Variants in SLC18A1 observed in about 807,000 individuals in gnomAD.
The protein encoded by SLC18A1 is solute carrier family 18 member A1, also known as chromaffin granule amine transporter.
A neutral mutation model predicts 53.7 loss-of-function variants in SLC18A1; 69 were observed. That is an observed-to-expected ratio of 1.28 (90% CI 1.06 to 1.57). The LOEUF is 1.57. Ranked by LOEUF, SLC18A1 falls within the 40% of genes most tolerant of loss-of-function variation. SLC18A1 has a pLI of 0.00. For synonymous variants in SLC18A1, 320 were observed against 248.1 expected (o/e 1.29, Z -2.72); for missense variants, 932 against 668.1 (o/e 1.40, Z -4.35).
Position 20,145,893 on chromosome 8 carries a change from G to A in SLC18A1, c.1465-17C>T, listed in dbSNP as rs765258635. 6.8e-7 allele frequency: 1 copy of A among 1,462,762 alleles called. No homozygotes were observed. The highest frequency in any genetic ancestry group is 1.2e-5 in the South Asian group (1 of 81,790). The allele number at this position is 1,462,762 out of a possible 1,614,324, so 90.6% of individuals were successfully genotyped here. A position where few individuals can be genotyped will look rare whatever the true frequency, so the allele number is the denominator to read the frequency against. Reference sequence around the variant, plus strand: ...CAGAATAGCCTGCAGAGAGAGGCAAGAAGAGAAGCCACTGCACATTATTAT... The same window carrying A: ...CAGAATAGCCTGCAGAGAGAGGCAAAAAGAGAAGCCACTGCACATTATTAT... On this transcript the variant is annotated splice_polypyrimidine_tract_variant and intron_variant, in intron 15 of 15. Transcript: ENST00000276373.
chr8:20,163,393 G>A (rs572312424), intron 10 of SLC18A1, among the ~76,000 whole-genome samples: 1 of 152,244 alleles, frequency 6.6e-6, no homozygotes, highest in Non-Finnish European at 1.5e-5. Context: ...GGTCAAAGAG[G>A]TTAAATAACT....
chr8:20,144,983 G>A lies in SLC18A1; in HGVS notation c.*780C>T, dbSNP rs887517494. The A allele has an allele frequency of 1.3e-5, 2 of 152,004 alleles. No homozygotes were observed. The highest frequency in any genetic ancestry group is 2.4e-5 in the African/African-American group (1 of 41,384). The allele number at this position is 152,004 out of a possible 1,614,324, so 9.4% of individuals were successfully genotyped here. A position where few individuals can be genotyped will look rare whatever the true frequency, so the allele number is the denominator to read the frequency against. ...TTAACTTCTTCCCATGAAATCTTGG[G>A]TCTAATCAGTTATTTTTTCTGTCTT... On this transcript the variant is annotated 3_prime_UTR_variant, in exon 16 of 16. Coordinates refer to ENST00000276373, the MANE Select transcript of SLC18A1 (RefSeq NM_003053.4).
chr8:20,153,486 G>C (rs577021088), intron 10 of SLC18A1, among the ~76,000 whole-genome samples: 3 of 152,236 alleles, frequency 2.0e-5, no homozygotes, highest in Admixed American at 2.0e-4. Context: ...GACCATCCTA[G>C]CTAACACAGT....
At position 20,149,956 on chromosome 8, in the gene SLC18A1, C is replaced by T. The variant is rs560049128; in HGVS notation, c.1095-229G>A. On this transcript the variant is annotated intron_variant, in intron 11 of 15. Transcript: ENST00000276373. ...TTCTATAGAAAGGCAGAGGAGGTGC[C>T]GTGGGACACACTCTTCCTTCCCTTA... 1.4e-4 allele frequency among the ~76,000 whole-genome samples: 22 copies of T among 152,206 alleles called. No homozygotes were observed. The South Asian group carries it at 4.1e-3, about 29-fold the overall frequency.
intron 10 of SLC18A1, among the ~76,000 whole-genome samples, chr8:20,156,085 C>T (rs1043437587): frequency 8.5e-5 from 13 of 152,180 alleles, no homozygotes; most frequent in African/African-American, 2.9e-4. Flanking sequence ...GGAACTGGGC[C>T]TGCGACAACA....
At chr8:20,147,872 C>T in intron 13 of SLC18A1, 135 bp downstream of exon 13, 1 of 1,437,064 alleles carries the variant, frequency 7.0e-7, no homozygotes, top group South Asian at 1.3e-5. Flanking sequence ...CTCATCTCTC[C>T]ACAACCCTGC....
intron 4 of SLC18A1, among the ~76,000 whole-genome samples, chr8:20,174,778 G>A (rs1197136417): frequency 6.6e-6 from 1 of 152,182 alleles, no homozygotes; most frequent in Admixed American, 6.5e-5. Context: ...TCCTAGGCTG[G>A]AAACTGGTTC....
At position 20,156,318 on chromosome 8, in the gene SLC18A1, T is replaced by TAA. The variant is rs35434077; in HGVS notation, c.1016-5576_1016-5575dup. Among the ~76,000 whole-genome samples the TAA allele has an allele frequency of 1.4e-3, 201 of 144,136 alleles. 1 individual carries two copies. The highest frequency in any genetic ancestry group is 4.3e-3 in the African/African-American group (167 of 39,284). The allele number at this position is 144,136 out of a possible 152,430, so 94.6% of individuals were successfully genotyped here. On this transcript the variant is annotated intron_variant, in intron 10 of 15. Transcript: ENST00000276373. Reference sequence around the variant, plus strand: ...ATCTTAAAGTATGGGGCTAGTCTGTTAAAAAAAAAAAAAGATGACTTAACA... The same window carrying TAA: ...ATCTTAAAGTATGGGGCTAGTCTGTTAAAAAAAAAAAAAAAGATGACTTAACA...
chr8:20,147,891 C>G, intron 13 of SLC18A1, 116 bp downstream of exon 13: 2 of 1,437,820 alleles, frequency 1.4e-6, no homozygotes, highest in East Asian at 2.4e-5. Flanking sequence ...GCCAGCTGCC[C>G]TCCTGATCCT....
rs566459163 is a variant in SLC18A1, at chr8:20,163,153, T to C, written c.1015+1716A>G. ...AGTGCCTGGTTGCTGGATCATAACA[T>C]GGCCAAAGGGGGTCACATGGAGAGA... On this transcript the variant is annotated intron_variant, in intron 10 of 15. Transcript: ENST00000276373. 7.9e-5 allele frequency among the ~76,000 whole-genome samples: 12 copies of C among 152,196 alleles called. No homozygotes were observed. In the South Asian group the frequency reaches 1.0e-3, roughly 13 times the overall value.
rs1585231807 is a variant in SLC18A1, at chr8:20,180,946, C to A, written c.19G>T (p.Asp7Tyr). The A allele has an allele frequency of 1.3e-6, 2 of 1,584,582 alleles. No individual in the cohort carries two copies. The highest frequency in any genetic ancestry group is 1.8e-5 in the Admixed American group (1 of 54,538). ...TCCTTCAGCAACCGCTGGGGAGCAT[C>A]CAGAATGGTCCGGAGCATGGTGATG... MLRTILDAPQRLLKEGR... is the reference protein window; with the variant it reads MLRTILYAPQRLLKEGR... The change falls in exon 2 of 16, where the codon GAT (aspartate) becomes TAT (tyrosine). Residue 7 changes from aspartate to tyrosine, a missense_variant. By Grantham distance (160) the Asp-to-Tyr change is radical. Transcript: ENST00000276373.
At chr8:20,178,549 G>T in intron 3 of SLC18A1, 56 bp from the exon 4 acceptor site, 1 of 1,300,552 alleles carries the variant, frequency 7.7e-7, no homozygotes, top group South Asian at 1.3e-5. Context: ...TCACATACAT[G>T]GACTACATTT....
intron 2 of SLC18A1, 150 bp downstream of exon 2, chr8:20,180,691 C>G: frequency 1.0e-6 from 1 of 957,308 alleles, no homozygotes; most frequent in Non-Finnish European, 1.5e-6. Context: ...TTCTGCAGGG[C>G]TTTTTTCCAG....
intron 10 of SLC18A1, among the ~76,000 whole-genome samples, chr8:20,156,201 C>A (rs1237118396): frequency 6.7e-6 from 1 of 149,842 alleles, no homozygotes; most frequent in African/African-American, 2.5e-5. Flanking sequence ...AGAAAAATAA[C>A]TTTTAGAGGA....
chr8:20,171,236 C>A, intron 7 of SLC18A1, 90 bp from the exon 8 acceptor site: 1 of 1,440,898 alleles, frequency 6.9e-7, no homozygotes, highest in East Asian at 2.3e-5. Flanking sequence ...CCCTATTATG[C>A]ATAAATTTAA....
At chr8:20,178,150 A>ACACC (rs762729684) in intron 4 of SLC18A1, among the ~76,000 whole-genome samples, 6 of 148,270 alleles carry the variant, frequency 4.0e-5, no homozygotes, top group Non-Finnish European at 6.0e-5. Flanking sequence ...ACACACACAC[A>ACACC]CCCCGTAGCA....
chr8:20,167,471 G>A (rs922478905), intron 8 of SLC18A1, among the ~76,000 whole-genome samples: 4 of 152,050 alleles, frequency 2.6e-5, no homozygotes, highest in African/African-American at 4.8e-5. Context: ...AATGGGGCAA[G>A]CAGGGAAAAA....
Position 20,180,871 on chromosome 8 carries a change from G to T in SLC18A1, c.94C>A (p.Leu32Ile). 6.2e-7 allele frequency: 1 copy of T among 1,614,038 alleles called. No homozygotes were observed. The highest frequency in any genetic ancestry group is 8.5e-7 in the Non-Finnish European group (1 of 1,179,962). The change falls in exon 2 of 16, where the codon CTC (leucine) becomes ATC (isoleucine). Residue 32 changes from leucine to isoleucine, a missense_variant. Leu to Ile is a conservative substitution (Grantham distance 5, BLOSUM62 2). Coordinates refer to ENST00000276373, the MANE Select transcript of SLC18A1 (RefSeq NM_003053.4). ...ACAGTAAACAGCATGTTGTCCAGGA[G>T]CAAAGCGACGAATACCACCACCAGC... is the stretch of plus-strand genomic sequence containing the variant. The part of the protein sequence containing the change: ...LVLVVVFVAL[L>I]LDNMLFTVVV...
At position 20,173,096 on chromosome 8, in the gene SLC18A1, C is replaced by A; in HGVS notation, c.664G>T (p.Asp222Tyr). 1 of 1,580,216 alleles carries A rather than the reference C, an allele frequency of 6.3e-7. No individual in the cohort carries two copies. Among genetic ancestry groups the A allele is most frequent in the Non-Finnish European group, 8.6e-7 (1 of 1,163,800 alleles). ...LGMLASVYTD[D>Y]HERGRAMGTA... ...CCCATGGCTCGTCCTCTCTCATGGT[C>A]ATCAGTGTAGACACTGGCCAGCATT... Residue 222 changes from aspartate (D) to tyrosine (Y), a missense_variant, in exon 6 of 16, where the codon GAC becomes TAC. By Grantham distance (160) the Asp-to-Tyr change is radical. Coordinates refer to ENST00000276373, the MANE Select transcript of SLC18A1 (RefSeq NM_003053.4).
Sources: gnomAD v4.1 joint callset for allele counts (sites outside exome capture counted in the v4.1 genomes callset) on GRCh38, gnomAD v4.1.1 for gene constraint, MANE v1.5 for transcripts, NCBI Gene and HGNC (gene_info 2026-07-23, HGNC 2026-07-21) for gene names.